NAA11: variants seen among roughly 807,000 people sequenced by gnomAD.
The protein encoded by NAA11 is N-alpha-acetyltransferase 11.
A neutral mutation model predicts 16.1 loss-of-function variants in NAA11; 15 were observed. The observed-to-expected ratio is 0.93, with a 90% CI of 0.62 to 1.44. The LOEUF (loss-of-function observed/expected upper bound fraction) is 1.44, where lower values mean the gene tolerates loss of function less well. NAA11 is among the 40% of genes most tolerant of loss of function. The pLI is 0.00. For missense variants in NAA11, 298 were observed against 291.3 expected (o/e 1.02, Z -0.17); for synonymous variants, 122 against 112.4 (o/e 1.09, Z -0.54).
intron 2 of NAA11, chr4:79,244,917 G>A (rs534638606): frequency 5.8e-4 from 97 of 165,840 alleles, no homozygotes; most frequent in Admixed American, 2.0e-3. Context: ...CGGGAGTCTC[G>A]CTTACTCAGT....
At chr4:79,235,009 A>G (rs539289041) in intron 2 of NAA11, among the ~76,000 whole-genome samples, 1 of 152,102 alleles carries the variant, frequency 6.6e-6, no homozygotes, top group Non-Finnish European at 1.5e-5. Context: ...TAGTTAATAA[A>G]GAAATGTAGG....
At chr4:79,267,297 C>G (rs369183576) in intron 2 of NAA11, among the ~76,000 whole-genome samples, 1 of 152,128 alleles carries the variant, frequency 6.6e-6, no homozygotes, top group South Asian at 2.1e-4. Flanking sequence ...GATTCAGGCA[C>G]AAGTTGGATG....
At chr4:79,231,471 G>A (rs1721463821) in intron 2 of NAA11, among the ~76,000 whole-genome samples, 1 of 151,900 alleles carries the variant, frequency 6.6e-6, no homozygotes, top group Non-Finnish European at 1.5e-5. Context: ...TGTGTCAATA[G>A]ATTGCAAAAC....
At chr4:79,240,338 A>T (rs761832493) in intron 2 of NAA11, among the ~76,000 whole-genome samples, 2 of 152,214 alleles carry the variant, frequency 1.3e-5, no homozygotes, top group Non-Finnish European at 2.9e-5. Flanking sequence ...AGTCAGGTAT[A>T]GTGTCAGTTG....
chr4:79,212,694 A>G, the NAA11 span, among the ~76,000 whole-genome samples: 2 of 152,118 alleles, frequency 1.3e-5, no homozygotes, highest in African/African-American at 4.8e-5. Flanking sequence ...CACGTAACTT[A>G]TAATCCAATA....
the NAA11 span, among the ~76,000 whole-genome samples, chr4:79,203,628 T>A: frequency 6.6e-6 from 1 of 151,450 alleles, no homozygotes; most frequent in Admixed American, 6.6e-5. Flanking sequence ...TTTTTTTTTT[T>A]AAGAGGACAC....
intron 2 of NAA11, among the ~76,000 whole-genome samples, chr4:79,229,376 T>C (rs972418741): frequency 1.5e-5 from 2 of 129,104 alleles, no homozygotes; most frequent in African/African-American, 5.1e-5. Context: ...TTTATATAAG[T>C]GGGACTATTT....
chr4:79,319,326 G>A lies in NAA11; in HGVS notation c.*13-1535C>T, dbSNP rs568957998. The stretch of plus-strand genomic sequence containing the variant: ...GCCTGACAAATACATGCTATTTGTC[G>A]ATATGGTGTTATAAACATGAAACAG... On this transcript the variant is annotated intron_variant, in intron 1 of 1. Transcript: ENST00000286794. Among the ~76,000 whole-genome samples, 5 of 152,108 alleles carry A rather than the reference G, an allele frequency of 3.3e-5. No homozygotes were observed. The South Asian group carries it at 6.2e-4, about 19-fold the overall frequency.
intron 2 of NAA11, among the ~76,000 whole-genome samples, chr4:79,273,279 T>C (rs576518631): frequency 2.6e-5 from 4 of 152,126 alleles, no homozygotes; most frequent in South Asian, 2.1e-4. Context: ...TTAGTTAATA[T>C]AGCTTTGTAA....
chr4:79,303,473 C>G (rs1019860608), intron 1 of NAA11, among the ~76,000 whole-genome samples: 1 of 152,024 alleles, frequency 6.6e-6, no homozygotes, highest in African/African-American at 2.4e-5. Flanking sequence ...TTGTTAATTA[C>G]AGTGATGATC....
chr4:79,303,080 A>C (rs1414066215), intron 1 of NAA11, among the ~76,000 whole-genome samples: 1 of 15,590 alleles, frequency 6.4e-5, no homozygotes, highest in Admixed American at 6.7e-4. Context: ...GGCCTTTTAT[A>C]TATATATATA....
chr4:79,225,067 G>GA (rs143146099), downstream of NAA11, among the ~76,000 whole-genome samples: 4 of 151,238 alleles, frequency 2.6e-5, no homozygotes, highest in African/African-American at 9.7e-5. Context: ...AGGACACTAG[G>GA]AAAAAAAATA....
the NAA11 span, among the ~76,000 whole-genome samples, chr4:79,205,947 C>T: frequency 2.7e-5 from 2 of 74,678 alleles, no homozygotes; most frequent in Non-Finnish European, 8.2e-5. Flanking sequence ...TCTGGGTTCT[C>T]TATTCTGTTG....
downstream of NAA11, among the ~76,000 whole-genome samples, chr4:79,314,641 T>TAAAAAAATAAAAAAAAAAAAAAAA (rs1723874648): frequency 1.0e-5 from 1 of 98,048 alleles, no homozygotes; most frequent in African/African-American, 4.1e-5. Context: ...TCCTTAAAAT[T>TAAAAAAATAAAAAAAAAAAAAAAA]AAAAAAAAAA....
chr4:79,241,349 G>A (rs1721692418), intron 2 of NAA11, among the ~76,000 whole-genome samples: 1 of 152,008 alleles, frequency 6.6e-6, no homozygotes, highest in African/African-American at 2.4e-5. Context: ...TAATGTTATT[G>A]GTAAGCATTC....
chr4:79,182,314 C>A, the NAA11 span, among the ~76,000 whole-genome samples: 1 of 152,090 alleles, frequency 6.6e-6, no homozygotes, highest in African/African-American at 2.4e-5. Context: ...CTGGTCAGGC[C>A]AAAGGGTGAG....
intron 2 of NAA11, among the ~76,000 whole-genome samples, chr4:79,268,872 C>G (rs1276800085): frequency 8.7e-6 from 1 of 114,896 alleles, no homozygotes; most frequent in African/African-American, 3.5e-5. Flanking sequence ...CCACCACAGT[C>G]CCCAGAGTGT....
chr4:79,271,802 A>C (rs1044445900), intron 2 of NAA11, among the ~76,000 whole-genome samples: 1 of 152,068 alleles, frequency 6.6e-6, no homozygotes, highest in African/African-American at 2.4e-5. Flanking sequence ...AACTCATGGT[A>C]TCATGCCAGT....
intron 2 of NAA11, among the ~76,000 whole-genome samples, chr4:79,256,652 A>AATATATATATATATATATATT (rs1491290215): frequency 0.039 from 1,066 of 27,302 alleles, 16 homozygotes; most frequent in Non-Finnish European, 0.08. Flanking sequence ...ATAAATATAA[A>AATATATATATATATATATATT]TATATATATA....
Sources: allele counts gnomAD v4.1 joint callset (sites outside exome capture counted in the v4.1 genomes callset), GRCh38; gene constraint gnomAD v4.1.1; transcripts MANE v1.5; gene names NCBI Gene and HGNC (gene_info 2026-07-23, HGNC 2026-07-21).